Variants in ANXA9 observed in about 807,000 individuals in gnomAD.
ANXA9 encodes the protein annexin A9.
Under a neutral mutation model 51.8 loss-of-function variants are expected in ANXA9, and 47 were observed. The ratio of observed to expected loss-of-function variants is 0.91; its 90% CI spans 0.72 to 1.16. The LOEUF (loss-of-function observed/expected upper bound fraction) is 1.16, where lower values mean the gene tolerates loss of function less well. Ranked by LOEUF, ANXA9 falls within the 50% of genes most tolerant of loss-of-function variation. ANXA9 has a pLI of 0.00. For missense variants in ANXA9, 361 were observed against 424.7 expected (o/e 0.85, Z 1.32); for synonymous variants, 154 against 168.7 (o/e 0.91, Z 0.68).
In ANXA9 at chr1:150,982,593, T is replaced by C. The variant is rs770926007; in HGVS notation, c.-17+10T>C. ...CTGTGCTGCTGAGCAGGTAGGCAGC[T>C]GTACAGGCAGGAATTGAGGGTTGCT... is the stretch of plus-strand genomic sequence containing the variant. On this transcript the variant is annotated intron_variant, in intron 2 of 13. Coordinates refer to ENST00000368947, the MANE Select transcript of ANXA9 (RefSeq NM_003568.3). 6.4e-6 allele frequency: 1 copy of C among 155,404 alleles called. No individual in the cohort carries two copies. Among genetic ancestry groups the C allele is most frequent in the East Asian group, 1.9e-4 (1 of 5,226 alleles). 9.6% of individuals were successfully genotyped at this position (155,404 alleles called of 1,614,324 possible).
At chr1:150,978,685 G>T (rs587602734), upstream of ANXA9, among the ~76,000 whole-genome samples, 19 of 152,026 alleles carry the variant, frequency 1.2e-4, no homozygotes, top group African/African-American at 4.6e-4. Flanking sequence ...TAGATTAGAG[G>T]CTGGGCGCAG....
At chr1:150,980,741 G>A (rs1273590899), upstream of ANXA9, among the ~76,000 whole-genome samples, 11 of 151,514 alleles carry the variant, frequency 7.3e-5, 1 homozygote, top group South Asian at 6.2e-4. Flanking sequence ...CGCCATGCCC[G>A]GCTAATTTTT....
At chr1:150,991,745 T>TTGGCCACGC (rs2102804052) in intron 12 of ANXA9, among the ~76,000 whole-genome samples, 1 of 151,416 alleles carries the variant, frequency 6.6e-6, no homozygotes, top group South Asian at 2.1e-4. Context: ...TTTCACCACG[T>TTGGCCACGC]TGGCCACGCT....
At chr1:150,984,749 C>A (rs587698524) in intron 7 of ANXA9, 73 bp downstream of exon 7, 3 of 1,317,556 alleles carry the variant, frequency 2.3e-6, no homozygotes, top group East Asian at 2.4e-5. Flanking sequence ...CTCCTGTACT[C>A]CCCATAGGTG....
chr1:150,986,530 G>A, intron 8 of ANXA9, 72 bp from the exon 9 acceptor site: 1 of 1,580,034 alleles, frequency 6.3e-7, no homozygotes, highest in Admixed American at 1.7e-5. Context: ...GGGGAGACCA[G>A]CCTTCGCTTG....
At chr1:150,995,017 A>G (rs1344756809) in intron 13 of ANXA9, among the ~76,000 whole-genome samples, 2 of 152,360 alleles carry the variant, frequency 1.3e-5, no homozygotes, top group Non-Finnish European at 2.9e-5. Flanking sequence ...GCTTGAACCC[A>G]GAAGGCAGAG....
At chr1:150,984,121 G>A in intron 5 of ANXA9, 52 bp downstream of exon 5, 1 of 1,577,458 alleles carries the variant, frequency 6.3e-7, no homozygotes, top group Non-Finnish European at 8.6e-7. Flanking sequence ...GAAACCCCCT[G>A]GAGGACTCGA....
upstream of ANXA9, among the ~76,000 whole-genome samples, chr1:150,979,729 T>C (rs1469224530): frequency 6.6e-6 from 1 of 152,152 alleles, no homozygotes; most frequent in Non-Finnish European, 1.5e-5. Flanking sequence ...CGAGCCAAGA[T>C]CGGAATTCTT....
At chr1:150,983,582 C>A in intron 4 of ANXA9, 148 bp downstream of exon 4, 1 of 773,678 alleles carries the variant, frequency 1.3e-6, no homozygotes, top group Non-Finnish European at 2.1e-6. Context: ...GTAGGTGTGT[C>A]AAACCCATTC....
chr1:150,982,498 C>T lies in ANXA9; in HGVS notation c.-102C>T, dbSNP rs1175196260. On this transcript the variant is annotated 5_prime_UTR_variant, in exon 2 of 14. Coordinates refer to ENST00000368947, the MANE Select transcript of ANXA9 (RefSeq NM_003568.3). The stretch of plus-strand genomic sequence containing the variant: ...TCCTTTCTGTCCAGGCATCCACGTA[C>T]TTGCAAGAACTCTTGCTCACATCAG... 1 of 152,392 alleles carries T rather than the reference C, an allele frequency of 6.6e-6. No homozygotes were observed. The highest frequency in any genetic ancestry group is 2.4e-5 in the African/African-American group (1 of 41,472). The allele number at this position is 152,392 out of a possible 1,614,324, so 9.4% of individuals were successfully genotyped here.
chr1:150,990,703 C>G (rs1671674677), intron 12 of ANXA9, among the ~76,000 whole-genome samples: 1 of 152,064 alleles, frequency 6.6e-6, no homozygotes, highest in African/African-American at 2.4e-5. Context: ...AAAAATTAGC[C>G]AGGGGGTAGT....
rs754627944 is a variant in ANXA9, at chr1:150,983,355, C to T, written c.93C>T (p.Thr31=). The T allele has an allele frequency of 3.0e-5, 48 of 1,613,884 alleles. No individual in the cohort carries two copies. In the East Asian group the frequency reaches 9.8e-4, roughly 33 times the overall value. The change falls in exon 4 of 14, where the codon ACC becomes ACT. Residue 31 remains threonine, a synonymous_variant. Coordinates refer to ENST00000368947, the MANE Select transcript of ANXA9 (RefSeq NM_003568.3). ...GLASKTAAWG[T]LGTLRTFLNF... Reference sequence around the variant, plus strand: ...TCCCACAGACTGCAGCGTGGGGGACCCTGGGCACCCTCAGGACCTTCTTGA... The same window carrying T: ...TCCCACAGACTGCAGCGTGGGGGACTCTGGGCACCCTCAGGACCTTCTTGA...
chr1:150,988,125 G>C lies in ANXA9; in HGVS notation c.732G>C (p.Glu244Asp), dbSNP rs754385534. The change falls in exon 11 of 14, where the codon GAG becomes GAC. Residue 244 changes from glutamate (E) to aspartate (D), a missense_variant. By Grantham distance (45) the Glu-to-Asp change is conservative. Coordinates refer to ENST00000368947, the MANE Select transcript of ANXA9 (RefSeq NM_003568.3). The part of the protein sequence containing the change: ...FDQYQRSTGQ[E>D]LEEAVQNRFH... ...AGTACCAGCGGAGCACTGGGCAAGAGCTGGAGGAGGCTGTCCAGAACCGTT... is the reference window on the plus strand; with the variant it reads ...AGTACCAGCGGAGCACTGGGCAAGACCTGGAGGAGGCTGTCCAGAACCGTT... The C allele has an allele frequency of 1.2e-6, 2 of 1,614,226 alleles. No individual in the cohort carries two copies. The highest frequency in any genetic ancestry group is 1.7e-6 in the Non-Finnish European group (2 of 1,180,048).
intron 12 of ANXA9, among the ~76,000 whole-genome samples, chr1:150,991,581 C>T (rs587766180): frequency 1.3e-5 from 2 of 149,670 alleles, no homozygotes; most frequent in African/African-American, 4.9e-5. Flanking sequence ...CTCACTCTGT[C>T]GCTAGGCTGG....
At chr1:150,984,154 C>A (rs1671492618) in intron 5 of ANXA9, 85 bp downstream of exon 5, 3 of 1,529,918 alleles carry the variant, frequency 2.0e-6, no homozygotes, top group Non-Finnish European at 2.7e-6. Flanking sequence ...GCCGCTGAGG[C>A]CAGCCCCTGC....
chr1:150,991,351 C>G (rs991497046), intron 12 of ANXA9, among the ~76,000 whole-genome samples: 3 of 150,630 alleles, frequency 2.0e-5, no homozygotes, highest in African/African-American at 7.3e-5. Context: ...ATTCTTCTGC[C>G]TCAGCCTCCC....
chr1:150,978,827 G>A (rs1022459186), upstream of ANXA9, among the ~76,000 whole-genome samples: 1 of 152,126 alleles, frequency 6.6e-6, no homozygotes, highest in East Asian at 1.9e-4. Flanking sequence ...AGCTGGGCAT[G>A]GTGGTGCATG....
intron 12 of ANXA9, among the ~76,000 whole-genome samples, chr1:150,991,764 ACT>A (rs1671706019): frequency 7.1e-6 from 1 of 141,324 alleles, no homozygotes. Context: ...CTGGTGGCAA[ACT>A]TTTTTTTTTT....
At position 150,986,335 on chromosome 1, in the gene ANXA9, G is replaced by C; in HGVS notation, c.473-1G>C. ...TCAGAGAGCTCCTCACCCCACCCCA[G>C]ATTTCCAGGTGGAGGCTGTGGATGA... On this transcript the variant is annotated splice_acceptor_variant, in intron 7 of 13. Transcript: ENST00000368947. LOFTEE classifies it high-confidence loss of function. The C allele has an allele frequency of 6.2e-7, 1 of 1,614,046 alleles. No individual in the cohort carries two copies. The highest frequency in any genetic ancestry group is 8.5e-7 in the Non-Finnish European group (1 of 1,179,924).
Sources: allele counts gnomAD v4.1 joint callset (sites outside exome capture counted in the v4.1 genomes callset), GRCh38; gene constraint gnomAD v4.1.1; transcripts MANE v1.5; gene names NCBI Gene and HGNC (gene_info 2026-07-23, HGNC 2026-07-21).